The following PDSS2 variants were observed in gnomAD, a reference collection of about 807,000 sequenced individuals.
PDSS2 encodes the protein decaprenyl diphosphate synthase subunit 2.
Under a neutral mutation model 44.5 loss-of-function variants are expected in PDSS2, and 31 were observed. The observed-to-expected ratio is 0.70, with a 90% confidence interval of 0.52 to 0.94. The LOEUF is 0.94. PDSS2 is among the 40% of genes least tolerant of loss of function. The probability of loss-of-function intolerance (pLI) is 0.00; values close to 1 mark genes in which losing one functional copy is unlikely to be tolerated. For synonymous variants in PDSS2, 157 were observed against 180.3 expected, an observed-to-expected ratio of 0.87 and a Z score of 1.03; for missense variants, 452 against 482.2, an observed-to-expected ratio of 0.94 and a Z score of 0.59.
At chr6:107,274,284 G>T in intron 2 of PDSS2, 57 bp from the exon 3 acceptor site, 1 of 1,338,690 alleles carries the variant, frequency 7.5e-7, no homozygotes, top group Non-Finnish European at 1.1e-6. Context: ...TATCACTAAT[G>T]TCTGATTTCA....
intron 6 of PDSS2, among the ~76,000 whole-genome samples, chr6:107,208,969 T>G (rs889881302): frequency 3.3e-5 from 5 of 152,210 alleles, no homozygotes; most frequent in African/African-American, 1.2e-4. Context: ...TCTGGGAGAT[T>G]TTTTCATTTG....
chr6:107,394,748 G>C (rs1439387099), intron 1 of PDSS2, among the ~76,000 whole-genome samples: 1 of 151,936 alleles, frequency 6.6e-6, no homozygotes, highest in Admixed American at 6.6e-5. Flanking sequence ...CCTTTATCTT[G>C]TTTTCATACA....
intron 1 of PDSS2, among the ~76,000 whole-genome samples, chr6:107,456,412 C>A (rs920712644): frequency 1.3e-5 from 2 of 152,146 alleles, no homozygotes; most frequent in African/African-American, 4.8e-5. Flanking sequence ...CAGTTAAACA[C>A]ACAACATGGA....
chr6:107,336,113 G>GTC (rs1777882674), intron 1 of PDSS2, among the ~76,000 whole-genome samples: 2 of 151,858 alleles, frequency 1.3e-5, no homozygotes, highest in African/African-American at 4.8e-5. Context: ...AAATTACCCA[G>GTC]GCGTGGTGGC....
chr6:107,236,293 C>T (rs1774220118), intron 4 of PDSS2, among the ~76,000 whole-genome samples: 1 of 152,076 alleles, frequency 6.6e-6, no homozygotes, highest in Non-Finnish European at 1.5e-5. Flanking sequence ...ATATTTCAGA[C>T]ACACAAAAGC....
chr6:107,241,645 T>C (rs1774438985), intron 4 of PDSS2, among the ~76,000 whole-genome samples: 1 of 152,178 alleles, frequency 6.6e-6, no homozygotes, highest in South Asian at 2.1e-4. Context: ...CGCACCCGGC[T>C]GCTCTACAAA....
At chr6:107,252,650 T>C (rs1038176286) in intron 3 of PDSS2, among the ~76,000 whole-genome samples, 3 of 152,206 alleles carry the variant, frequency 2.0e-5, no homozygotes, top group Non-Finnish European at 4.4e-5. Flanking sequence ...CAACTGAGGC[T>C]AGATGCAGTG....
rs769038551 is a variant in PDSS2, at chr6:107,245,604, C to G, written c.646G>C (p.Ala216Pro). ...TGTACCAAGTCCATAAGAGCACTTG[C>G]TAAAAGTTCCACAACCTAAAAAGCA... ...LQNTKVVELL[A>P]SALMDLVQGV... The change falls in exon 4 of 8, where the codon GCA (alanine) becomes CCA (proline). Residue 216 changes from alanine to proline, a missense_variant. Transcript: ENST00000369037. The G allele has an allele frequency of 2.5e-6, 4 of 1,585,828 alleles. No homozygotes were observed. The highest frequency in any genetic ancestry group is 8.6e-7 in the Non-Finnish European group (1 of 1,160,646).
chr6:107,383,157 G>A (rs912790509), intron 1 of PDSS2, among the ~76,000 whole-genome samples: 44 of 151,618 alleles, frequency 2.9e-4, no homozygotes, highest in Non-Finnish European at 5.9e-4. Context: ...AAATTAGCCA[G>A]GCATGGTGGT....
chr6:107,308,905 G>A (rs1776946937), intron 2 of PDSS2, among the ~76,000 whole-genome samples: 1 of 152,220 alleles, frequency 6.6e-6, no homozygotes, highest in Admixed American at 6.5e-5. Context: ...ACTGGAATAT[G>A]GGTGGAGCAC....
chr6:107,390,962 A>AT (rs1406592648), intron 1 of PDSS2, among the ~76,000 whole-genome samples: 2 of 146,192 alleles, frequency 1.4e-5, no homozygotes, highest in South Asian at 2.1e-4. Flanking sequence ...TATCATAGCT[A>AT]TTTTTTTAAC....
intron 2 of PDSS2, among the ~76,000 whole-genome samples, chr6:107,294,014 G>A (rs1410360968): frequency 6.6e-6 from 1 of 152,086 alleles, no homozygotes; most frequent in Non-Finnish European, 1.5e-5. Context: ...AGCAAGCAGG[G>A]GTTAGGAAAA....
intron 1 of PDSS2, among the ~76,000 whole-genome samples, chr6:107,397,117 A>T (rs555163483): frequency 6.6e-6 from 1 of 151,992 alleles, no homozygotes; most frequent in South Asian, 2.1e-4. Context: ...TTGTCTGTGT[A>T]GGCATCTTCC....
At chr6:107,458,412 C>CTAAAAAAAAAAAAAA (rs1782120439) in intron 1 of PDSS2, among the ~76,000 whole-genome samples, 1 of 78,182 alleles carries the variant, frequency 1.3e-5, no homozygotes, top group Non-Finnish European at 2.5e-5. Context: ...GACTCCGTCT[C>CTAAAAAAAAAAAAAA]AAAAAAAAAA....
chr6:107,333,226 C>T (rs2500574), intron 2 of PDSS2, among the ~76,000 whole-genome samples: 76,573 of 152,024 alleles, frequency 0.5, 21,474 homozygotes, highest in Middle Eastern at 0.72. Context: ...ATTTCATATG[C>T]CAAAGTCTAC....
At chr6:107,367,776 C>T (rs1582998504) in intron 1 of PDSS2, among the ~76,000 whole-genome samples, 1 of 126,518 alleles carries the variant, frequency 7.9e-6, no homozygotes, top group Non-Finnish European at 1.6e-5. Context: ...GCACTCCAGC[C>T]TGGGCAATAG....
intron 7 of PDSS2, among the ~76,000 whole-genome samples, chr6:107,170,549 A>G (rs575125602): frequency 2.9e-4 from 43 of 150,568 alleles, no homozygotes; most frequent in African/African-American, 9.3e-4. Flanking sequence ...CGTCTTCTGC[A>G]TTGCTCACGC....
chr6:107,282,868 C>CA (rs1241936719), intron 2 of PDSS2, among the ~76,000 whole-genome samples: 7,592 of 73,188 alleles, frequency 0.1, 419 homozygotes, highest in African/African-American at 0.21. Flanking sequence ...GACTCCGTCT[C>CA]AAAAAAAAAA....
intron 1 of PDSS2, among the ~76,000 whole-genome samples, chr6:107,393,509 A>G (rs1419820673): frequency 2.0e-5 from 3 of 152,188 alleles, no homozygotes; most frequent in African/African-American, 7.2e-5. Flanking sequence ...ATAAATGTCA[A>G]TTAGGTCAAG....
Sources: allele counts gnomAD v4.1 joint callset (sites outside exome capture counted in the v4.1 genomes callset), GRCh38; gene constraint gnomAD v4.1.1; transcripts MANE v1.5; gene names NCBI Gene and HGNC (gene_info 2026-07-23, HGNC 2026-07-21).